Variants in LHFPL6 observed in about 807,000 individuals in gnomAD.
LHFPL6 encodes the protein LHFPL tetraspan subfamily member 6 protein.
Under a neutral mutation model 20.6 loss-of-function variants are expected in LHFPL6, and 9 were observed. The observed-to-expected ratio is 0.44, with a 90% CI of 0.26 to 0.76. The LOEUF is 0.76. Ranked by LOEUF, LHFPL6 falls within the 30% of genes least tolerant of loss-of-function variation. The pLI is 0.20. For synonymous variants in LHFPL6, 105 were observed against 98.7 expected (o/e 1.06, Z -0.38); for missense variants, 218 against 253.5 (o/e 0.86, Z 0.95).
intron 2 of LHFPL6, among the ~76,000 whole-genome samples, chr13:39,445,368 AC>A (rs1455857658): frequency 6.6e-6 from 1 of 152,180 alleles, no homozygotes; most frequent in Non-Finnish European, 1.5e-5. Flanking sequence ...TTAACTCAGG[AC>A]TTTGTGAAGA....
intron 2 of LHFPL6, among the ~76,000 whole-genome samples, chr13:39,386,051 C>T (rs367884328): frequency 2.0e-5 from 3 of 152,234 alleles, no homozygotes; most frequent in African/African-American, 7.2e-5. Flanking sequence ...TTTATCCATC[C>T]TCCAGTTCCT....
chr13:39,550,397 A>C (rs1871114481), intron 2 of LHFPL6, among the ~76,000 whole-genome samples: 1 of 152,154 alleles, frequency 6.6e-6, no homozygotes, highest in Non-Finnish European at 1.5e-5. Context: ...AATTTACTGC[A>C]AGTAAATAAT....
intron 2 of LHFPL6, among the ~76,000 whole-genome samples, chr13:39,554,559 A>G (rs1871243852): frequency 6.6e-6 from 1 of 152,210 alleles, no homozygotes; most frequent in African/African-American, 2.4e-5. Context: ...GCATCCCTGC[A>G]TACTTCTACA....
intron 2 of LHFPL6, among the ~76,000 whole-genome samples, chr13:39,540,560 T>A (rs373884459): frequency 1.3e-5 from 2 of 152,296 alleles, no homozygotes; most frequent in East Asian, 3.9e-4. Context: ...AGAAAGGATT[T>A]TCTGATGGAA....
chr13:39,420,576 G>A (rs1263429435), intron 2 of LHFPL6, among the ~76,000 whole-genome samples: 1 of 152,150 alleles, frequency 6.6e-6, no homozygotes, highest in African/African-American at 2.4e-5. Flanking sequence ...AAGGAAGTGG[G>A]GTTTGTGACG....
chr13:39,455,551 T>TAG (rs1264284675), intron 2 of LHFPL6, among the ~76,000 whole-genome samples: 2 of 152,226 alleles, frequency 1.3e-5, no homozygotes, highest in African/African-American at 4.8e-5. Flanking sequence ...TCATTAGTTC[T>TAG]AGAGAGAGCA....
chr13:39,497,825 CTGATT>C (rs1359260868), intron 2 of LHFPL6, among the ~76,000 whole-genome samples: 6 of 152,166 alleles, frequency 3.9e-5, no homozygotes, highest in African/African-American at 1.4e-4. Context: ...ATAGCATTAT[CTGATT>C]TAATTTCAGT....
At chr13:39,586,978 G>A (rs189112255) in intron 2 of LHFPL6, among the ~76,000 whole-genome samples, 1 of 152,124 alleles carries the variant, frequency 6.6e-6, no homozygotes, top group African/African-American at 2.4e-5. Flanking sequence ...CCAGCATAGT[G>A]AAACCCTGTC....
In LHFPL6 at chr13:39,600,917, C is replaced by A. The variant is rs761670411; in HGVS notation, c.300G>T (p.Ala100=). ...GLGCGLLLLV[A]LTALMGCCVS... is the part of the protein sequence containing the mutation. ...CACAGCAACCCATGAGGGCAGTGAG[C>A]GCCACCAGGAGGAGGAGGCCACAAC... Residue 100 remains alanine (A), a synonymous_variant, in exon 2 of 4, where the codon GCG becomes GCT. Transcript: ENST00000379589. 9.4e-6 allele frequency: 15 copies of A among 1,590,222 alleles called. No homozygotes were observed. The highest frequency in any genetic ancestry group is 1.3e-5 in the Non-Finnish European group (15 of 1,165,922).
chr13:39,395,252 A>G lies in LHFPL6; in HGVS notation c.386-16726T>C, dbSNP rs573405484. Among the ~76,000 whole-genome samples, 5 of 152,338 alleles carry G rather than the reference A, an allele frequency of 3.3e-5. No individual in the cohort carries two copies. In the South Asian group the frequency reaches 8.3e-4, roughly 25 times the overall value. On this transcript the variant is annotated intron_variant, in intron 2 of 3. Transcript: ENST00000379589. ...CTACCCAGGGCTTCAAGGGAGGCAT[A>G]AAAAGAAAGATCACAACATCATGTT... is the stretch of plus-strand genomic sequence containing the variant.
At chr13:39,546,128 C>T (rs910965818) in intron 2 of LHFPL6, among the ~76,000 whole-genome samples, 3 of 152,064 alleles carry the variant, frequency 2.0e-5, no homozygotes, top group African/African-American at 7.3e-5. Context: ...ATGCCTAGCC[C>T]ATGGTAAGCC....
chr13:39,532,713 A>C (rs1280120998), intron 2 of LHFPL6, among the ~76,000 whole-genome samples: 1 of 152,176 alleles, frequency 6.6e-6, no homozygotes, highest in Non-Finnish European at 1.5e-5. Context: ...TATAATTGTA[A>C]CCCTATAATG....
intron 3 of LHFPL6, among the ~76,000 whole-genome samples, chr13:39,358,660 C>T (rs540905637): frequency 8.5e-5 from 13 of 152,114 alleles, no homozygotes; most frequent in Admixed American, 3.3e-4. Flanking sequence ...GGCCTAATAT[C>T]CAGAATCTGT....
chr13:39,499,978 G>C (rs955102156), intron 2 of LHFPL6, among the ~76,000 whole-genome samples: 3 of 151,960 alleles, frequency 2.0e-5, no homozygotes, highest in Middle Eastern at 3.2e-3. Flanking sequence ...ATTCTAGAAA[G>C]TTTCCTGCAA....
intron 3 of LHFPL6, among the ~76,000 whole-genome samples, chr13:39,358,366 C>T (rs753764291): frequency 2.0e-5 from 3 of 152,138 alleles, no homozygotes; most frequent in Non-Finnish European, 4.4e-5. Flanking sequence ...AAAGTGGACA[C>T]CTTCCTTATA....
intron 2 of LHFPL6, among the ~76,000 whole-genome samples, chr13:39,542,065 T>G (rs2138504568): frequency 6.7e-6 from 1 of 149,666 alleles, no homozygotes; most frequent in South Asian, 2.1e-4. Context: ...CACTCCAGCC[T>G]GGGCAACAGA....
chr13:39,476,945 A>G (rs1380309494), intron 2 of LHFPL6, among the ~76,000 whole-genome samples: 1 of 152,234 alleles, frequency 6.6e-6, no homozygotes, highest in Non-Finnish European at 1.5e-5. Flanking sequence ...GTGTGATTAC[A>G]TAAAGCGAAT....
chr13:39,344,635 A>G (rs993261161), intron 3 of LHFPL6, among the ~76,000 whole-genome samples: 1 of 152,250 alleles, frequency 6.6e-6, no homozygotes. Context: ...AAATGAAAAT[A>G]TAATGACAAG....
At chr13:39,584,983 T>C (rs1011210587) in intron 2 of LHFPL6, among the ~76,000 whole-genome samples, 3 of 152,180 alleles carry the variant, frequency 2.0e-5, no homozygotes, top group Non-Finnish European at 4.4e-5. Flanking sequence ...TGTACCTAGA[T>C]TCCCACTTTC....
Sources: gnomAD v4.1 joint callset for allele counts (sites outside exome capture counted in the v4.1 genomes callset) on GRCh38, gnomAD v4.1.1 for gene constraint, MANE v1.5 for transcripts, NCBI Gene and HGNC (gene_info 2026-07-23, HGNC 2026-07-21) for gene names.